Variants in NKAIN3 observed in about 807,000 individuals in gnomAD.
NKAIN3 encodes the protein sodium/potassium transporting ATPase interacting 3.
In NKAIN3, 25 loss-of-function variants were observed where a neutral mutation model predicts 30.2. That is an observed-to-expected ratio of 0.83 (90% CI 0.60 to 1.16). The LOEUF (loss-of-function observed/expected upper bound fraction) is 1.16. Among genes scored for constraint, NKAIN3 ranks in the 50% most tolerant of loss-of-function variants. NKAIN3 has a pLI of 0.00. For synonymous variants in NKAIN3, 91 were observed against 89.6 expected, an observed-to-expected ratio of 1.02 and a Z score of -0.09; for missense variants, 225 against 254.1, an observed-to-expected ratio of 0.89 and a Z score of 0.78.
At chr8:62,748,286 T>C (rs1586157462) in intron 4 of NKAIN3, among the ~76,000 whole-genome samples, 1 of 151,948 alleles carries the variant, frequency 6.6e-6, no homozygotes, top group East Asian at 1.9e-4. Context: ...CTCACTCACA[T>C]CTCTGGTGCT....
rs1459047067 is a variant in NKAIN3 at position 62,954,209 on chromosome 8, C to T, written c.603+237C>T. ...AAAACAATAGTTCTGTCTTATTCCCCTTATCAATAGTTGGTAACTACATTT... is the reference window on the plus strand; with the variant it reads ...AAAACAATAGTTCTGTCTTATTCCCTTTATCAATAGTTGGTAACTACATTT... On this transcript the variant is annotated intron_variant, in intron 6 of 6. Transcript: ENST00000623646. 5.3e-5 allele frequency among the ~76,000 whole-genome samples: 8 copies of T among 152,232 alleles called. No individual in the cohort carries two copies. The East Asian group carries it at 1.5e-3, about 29-fold the overall frequency.
At chr8:62,567,743 A>C (rs13262030) in intron 1 of NKAIN3, among the ~76,000 whole-genome samples, 2 of 152,028 alleles carry the variant, frequency 1.3e-5, no homozygotes, top group Admixed American at 1.3e-4. Flanking sequence ...TGGCCTCCAG[A>C]AGGAATGCAG....
intron 3 of NKAIN3, among the ~76,000 whole-genome samples, chr8:62,624,507 C>A (rs1289951715): frequency 1.4e-5 from 2 of 140,478 alleles, no homozygotes; most frequent in Admixed American, 7.0e-5. Flanking sequence ...TTTCCTCTGG[C>A]TTTATTTAGG....
chr8:62,907,151 G>A (rs1412015116), intron 4 of NKAIN3, among the ~76,000 whole-genome samples: 1 of 152,160 alleles, frequency 6.6e-6, no homozygotes, highest in Non-Finnish European at 1.5e-5. Context: ...TTAGCAGGTG[G>A]CATTTTGCCC....
At chr8:62,845,063 C>T (rs967786493) in intron 4 of NKAIN3, among the ~76,000 whole-genome samples, 4 of 151,548 alleles carry the variant, frequency 2.6e-5, no homozygotes, top group African/African-American at 7.3e-5. Flanking sequence ...ATCAAAGAAC[C>T]ACTGCCCCGA....
chr8:62,570,927 A>G (rs184791130), intron 1 of NKAIN3, among the ~76,000 whole-genome samples: 408 of 152,328 alleles, frequency 2.7e-3, no homozygotes, highest in African/African-American at 8.4e-3. Context: ...ATCAAACGAT[A>G]GTTTCACAAA....
chr8:62,452,249 G>T (rs1244020409), intron 1 of NKAIN3, among the ~76,000 whole-genome samples: 2 of 152,174 alleles, frequency 1.3e-5, no homozygotes, highest in African/African-American at 4.8e-5. Flanking sequence ...GCTGAAGTGG[G>T]TGGATCACCT....
chr8:62,287,184 T>G (rs908443760), intron 1 of NKAIN3, among the ~76,000 whole-genome samples: 4 of 151,600 alleles, frequency 2.6e-5, no homozygotes, highest in Admixed American at 1.3e-4. Flanking sequence ...CATACGAGGT[T>G]GTGATAATGT....
intron 4 of NKAIN3, among the ~76,000 whole-genome samples, chr8:62,901,294 T>C (rs1821606952): frequency 6.6e-6 from 1 of 152,114 alleles, no homozygotes; most frequent in Admixed American, 6.5e-5. Flanking sequence ...CAAAGGTCTA[T>C]CAGTAACAAA....
At chr8:62,571,215 A>T (rs1039348856) in intron 1 of NKAIN3, among the ~76,000 whole-genome samples, 21 of 151,410 alleles carry the variant, frequency 1.4e-4, no homozygotes, top group African/African-American at 5.1e-4. Context: ...GACTCACTGC[A>T]ACCTCTGCCT....
chr8:62,718,116 C>A (rs1370282767), intron 3 of NKAIN3, among the ~76,000 whole-genome samples: 1 of 152,062 alleles, frequency 6.6e-6, no homozygotes, highest in Admixed American at 6.6e-5. Context: ...ACTTATTCAC[C>A]ATCACGAGAA....
In NKAIN3 at chr8:62,845,952, A is replaced by G. The variant is rs577107961; in HGVS notation, c.472-72501A>G. On this transcript the variant is annotated intron_variant, in intron 4 of 6. Transcript: ENST00000623646. ...AAAAACAAACCTGCTTTGTGATTCT[A>G]GCTACACAGAACTAACCAGAGACCC... Among the ~76,000 whole-genome samples, 9 of 152,294 alleles carry G rather than the reference A, an allele frequency of 5.9e-5. No individual in the cohort carries two copies. The South Asian group carries it at 8.3e-4, about 14-fold the overall frequency.
intron 1 of NKAIN3, among the ~76,000 whole-genome samples, chr8:62,304,021 A>G (rs1585656238): frequency 1.3e-5 from 2 of 150,734 alleles, no homozygotes; most frequent in South Asian, 4.1e-4. Context: ...ACAAGACTTC[A>G]CCTTCTTCCT....
intron 3 of NKAIN3, among the ~76,000 whole-genome samples, chr8:62,612,411 T>A (rs1230336303): frequency 1.3e-5 from 2 of 152,064 alleles, no homozygotes; most frequent in African/African-American, 4.8e-5. Context: ...AAATATATTT[T>A]GTCTGATATA....
At chr8:62,293,970 G>T (rs751797894) in intron 1 of NKAIN3, among the ~76,000 whole-genome samples, 1 of 152,160 alleles carries the variant, frequency 6.6e-6, no homozygotes, top group Non-Finnish European at 1.5e-5. Flanking sequence ...CTGCAGCCTT[G>T]CAGTTCCATC....
chr8:62,506,367 G>A (rs1249817253), intron 1 of NKAIN3, among the ~76,000 whole-genome samples: 1 of 151,816 alleles, frequency 6.6e-6, no homozygotes, highest in Non-Finnish European at 1.5e-5. Context: ...TAAAACAACA[G>A]CAACAAAGAT....
Position 62,792,187 on chromosome 8 carries a change from C to T in NKAIN3, c.471+45058C>T, listed in dbSNP as rs1025465191. On this transcript the variant is annotated intron_variant, in intron 4 of 6. Coordinates refer to ENST00000623646, the MANE Select transcript of NKAIN3 (RefSeq NM_001304533.3). The stretch of plus-strand genomic sequence containing the variant: ...TCCTGTCTTCCTTTCTGCATCTATG[C>T]AGCCACTGCCTTAATTTAAGCTTGG... 6.6e-5 allele frequency among the ~76,000 whole-genome samples: 10 copies of T among 152,246 alleles called. No individual in the cohort carries two copies. The East Asian group carries it at 1.9e-3, about 29-fold the overall frequency.
intron 4 of NKAIN3, among the ~76,000 whole-genome samples, chr8:62,887,925 T>C (rs973136407): frequency 6.6e-6 from 1 of 152,192 alleles, no homozygotes; most frequent in Admixed American, 6.5e-5. Context: ...AGTTTGAAGT[T>C]CTCTTTTAGT....
At chr8:62,413,913 T>G (rs1422725065) in intron 1 of NKAIN3, among the ~76,000 whole-genome samples, 1 of 152,162 alleles carries the variant, frequency 6.6e-6, no homozygotes, top group African/African-American at 2.4e-5. Context: ...TGATTTTGTT[T>G]TTTTAAACTG....
Sources: allele counts gnomAD v4.1 joint callset (sites outside exome capture counted in the v4.1 genomes callset), GRCh38; gene constraint gnomAD v4.1.1; transcripts MANE v1.5; gene names NCBI Gene and HGNC (gene_info 2026-07-23, HGNC 2026-07-21).